The following AP1S3 variants were observed in gnomAD, a reference collection of about 807,000 sequenced individuals.
AP1S3 encodes the protein AP-1 complex subunit sigma-3.
A neutral mutation model predicts 20.9 loss-of-function variants in AP1S3; 10 were observed. The observed-to-expected ratio is 0.48, with a 90% CI of 0.29 to 0.81. The LOEUF (loss-of-function observed/expected upper bound fraction) is 0.81. Among genes scored for constraint, AP1S3 ranks in the 30% least tolerant of loss-of-function variants. AP1S3 has a pLI of 0.08. For missense variants in AP1S3, 154 were observed against 183.8 expected (o/e 0.84, Z 0.94); for synonymous variants, 41 against 61.5 (o/e 0.67, Z 1.56).
chr2:223,759,822 G>T (rs547167353), intron 4 of AP1S3, among the ~76,000 whole-genome samples: 1 of 151,990 alleles, frequency 6.6e-6, no homozygotes, highest in Admixed American at 6.6e-5. Context: ...CTATGTGTCC[G>T]TGTGTTCTCA....
intron 1 of AP1S3, among the ~76,000 whole-genome samples, chr2:223,823,399 T>C (rs73086927): frequency 0.029 from 4,394 of 152,292 alleles, 192 homozygotes; most frequent in African/African-American, 0.099. Flanking sequence ...TGGAATACTA[T>C]TTGGCCTTTA....
intron 1 of AP1S3, among the ~76,000 whole-genome samples, chr2:223,829,591 A>C (rs1043197586): frequency 1.3e-5 from 2 of 152,174 alleles, no homozygotes; most frequent in African/African-American, 4.8e-5. Flanking sequence ...GAATCACTTG[A>C]ACCCAGGAAG....
chr2:223,779,169 T>C (rs1690862211), intron 1 of AP1S3, among the ~76,000 whole-genome samples: 1 of 152,218 alleles, frequency 6.6e-6, no homozygotes. Context: ...AGTTCTGAAA[T>C]GTGTATTTGA....
chr2:223,781,784 G>T (rs1187338468), intron 1 of AP1S3, among the ~76,000 whole-genome samples: 2 of 152,020 alleles, frequency 1.3e-5, no homozygotes, highest in Non-Finnish European at 2.9e-5. Flanking sequence ...TCAATCCAAT[G>T]CCTAGTGAAC....
At chr2:223,830,546 C>A (rs930022496) in intron 1 of AP1S3, among the ~76,000 whole-genome samples, 1 of 151,552 alleles carries the variant, frequency 6.6e-6, no homozygotes, top group Non-Finnish European at 1.5e-5. Flanking sequence ...TATCCCTTGA[C>A]AACCCCTGTC....
At chr2:223,780,298 TATATATATATAGAGAGAGAGAGAG>T (rs1192846244) in intron 1 of AP1S3, among the ~76,000 whole-genome samples, 52 of 53,482 alleles carry the variant, frequency 9.7e-4, no homozygotes, top group African/African-American at 4.1e-3. Flanking sequence ...TATATATATA[TATATATATATAGAGAGAGAGAGAG>T]AGAGAGAGAG....
chr2:223,833,244 A>ACATG (rs1372279617), intron 1 of AP1S3, among the ~76,000 whole-genome samples: 1 of 150,324 alleles, frequency 6.7e-6, no homozygotes, highest in African/African-American at 2.4e-5. Context: ...AAGGCAAAAT[A>ACATG]CATACATACA....
chr2:223,765,296 C>T lies in AP1S3; in HGVS notation c.346G>A (p.Glu116Lys), dbSNP rs369564336. 56 of 1,613,922 alleles carry T rather than the reference C, an allele frequency of 3.5e-5. No homozygotes were observed. Among genetic ancestry groups the T allele is most frequent in the Non-Finnish European group, 4.2e-5 (50 of 1,180,020 alleles). ...NFEKAYFILDEFIIGGEIQET... is the reference protein window; with the variant it reads ...NFEKAYFILDKFIIGGEIQET... Reference sequence around the variant, plus strand: ...TGAATTTCCCCACCTATTATAAACTCGTCCAGGATGAAATAAGCCTTTTCA... The same window carrying T: ...TGAATTTCCCCACCTATTATAAACTTGTCCAGGATGAAATAAGCCTTTTCA... The change falls in exon 4 of 5, where the codon GAG becomes AAG. Residue 116 changes from glutamate (E) to lysine (K), a missense_variant. Physicochemically the swap from Glu to Lys is moderately conservative, Grantham distance 56 (BLOSUM62 1). Coordinates refer to ENST00000396654, the MANE Select transcript of AP1S3 (RefSeq NM_001039569.2).
intron 1 of AP1S3, among the ~76,000 whole-genome samples, chr2:223,803,363 G>T (rs146681867): frequency 6.6e-6 from 1 of 152,100 alleles, no homozygotes; most frequent in East Asian, 1.9e-4. Flanking sequence ...CAATTTCATG[G>T]CACAATTTTA....
rs116657389 is a variant in AP1S3 at position 223,830,214 on chromosome 2, C to T, written c.3+7234G>A. Among the ~76,000 whole-genome samples the T allele has an allele frequency of 3.8e-3, 576 of 150,648 alleles. 5 individuals are homozygous for T. Among genetic ancestry groups the T allele is most frequent in the African/African-American group, 0.013 (552 of 40,994 alleles). ...ATTTTCTCGGCTGGGCGCTGTGGAT[C>T]ACACCTATAATCCTAGCACTTTGGG... On this transcript the variant is annotated intron_variant, in intron 1 of 4. Transcript: ENST00000396654.
rs150579126 is a variant in AP1S3 at position 223,756,486 on chromosome 2, AAAAG to A, written c.*2225_*2228del. Reference sequence around the variant, plus strand: ...GAAAGAAAAGAAAGAAAGAAAGAAAAAAAGAAAGAAAAAATTCTAACACATTAAA... The same window carrying A: ...GAAAGAAAAGAAAGAAAGAAAGAAAAAAAGAAAAAATTCTAACACATTAAA... On this transcript the variant is annotated 3_prime_UTR_variant, in exon 5 of 5. Transcript: ENST00000396654. 24,643 of 877,608 alleles carry A rather than the reference AAAAG, an allele frequency of 0.028. 461 individuals are homozygous for A. Among genetic ancestry groups the A allele is most frequent in the East Asian group, 0.26 (1,300 of 5,072 alleles). The allele number at this position is 877,608 out of a possible 1,614,324, so 54.4% of individuals were successfully genotyped here. A position where few individuals can be genotyped will look rare whatever the true frequency, so the allele number is the denominator to read the frequency against.
At chr2:223,806,139 C>T (rs1691573942) in intron 1 of AP1S3, among the ~76,000 whole-genome samples, 1 of 152,174 alleles carries the variant, frequency 6.6e-6, no homozygotes, top group African/African-American at 2.4e-5. Flanking sequence ...AGACAAGTTC[C>T]AGTGCAGTAG....
chr2:223,772,741 A>G (rs1003388504), intron 3 of AP1S3, among the ~76,000 whole-genome samples: 10 of 152,216 alleles, frequency 6.6e-5, no homozygotes, highest in Non-Finnish European at 1.0e-4. Context: ...TTATAAGAGA[A>G]GCTCAGTACC....
chr2:223,774,372 TAATAAATAAATAAATA>T (rs56121039), intron 3 of AP1S3, among the ~76,000 whole-genome samples: 14 of 145,520 alleles, frequency 9.6e-5, no homozygotes, highest in Admixed American at 4.8e-4. Context: ...TCTCAATAAA[TAATAAATAAATAAATA>T]AATAAATAAA....
At chr2:223,814,254 C>A (rs1419669442) in intron 1 of AP1S3, among the ~76,000 whole-genome samples, 1 of 152,128 alleles carries the variant, frequency 6.6e-6, no homozygotes, top group Non-Finnish European at 1.5e-5. Flanking sequence ...TGGGAAGAGG[C>A]CTCAGTGGAT....
chr2:223,790,158 A>C, intron 1 of AP1S3, among the ~76,000 whole-genome samples: 1 of 152,180 alleles, frequency 6.6e-6, no homozygotes, highest in East Asian at 1.9e-4. Flanking sequence ...CATCCAGCCA[A>C]ATTATCCATC....
At chr2:223,808,046 C>T (rs1018454231) in intron 1 of AP1S3, among the ~76,000 whole-genome samples, 4 of 151,666 alleles carry the variant, frequency 2.6e-5, no homozygotes, top group Admixed American at 6.6e-5. Flanking sequence ...CAGATCACCA[C>T]GCCCAGCTAA....
At chr2:223,764,359 CT>C (rs1175422292) in intron 4 of AP1S3, among the ~76,000 whole-genome samples, 1 of 152,086 alleles carries the variant, frequency 6.6e-6, no homozygotes, top group Non-Finnish European at 1.5e-5. Context: ...AACCCAGCCC[CT>C]CAGAGCATCT....
chr2:223,783,454 T>A (rs752077759), intron 1 of AP1S3, among the ~76,000 whole-genome samples: 3 of 152,246 alleles, frequency 2.0e-5, no homozygotes, highest in Non-Finnish European at 2.9e-5. Context: ...CTTGGTCTAA[T>A]TGGGCACAGT....
Sources: gnomAD v4.1 joint callset for allele counts (sites outside exome capture counted in the v4.1 genomes callset) on GRCh38, gnomAD v4.1.1 for gene constraint, MANE v1.5 for transcripts, NCBI Gene and HGNC (gene_info 2026-07-23, HGNC 2026-07-21) for gene names.